Variants in RBM39 observed in about 807,000 individuals in gnomAD.
RBM39 encodes RNA-binding protein 39.
RBM39 carries 12 observed loss-of-function variants against 79.6 expected under a neutral mutation model. The observed-to-expected ratio is 0.15, with a 90% confidence interval of 0.10 to 0.24. The LOEUF (loss-of-function observed/expected upper bound fraction) is 0.24. Among genes scored for constraint, RBM39 ranks in the 10% least tolerant of loss-of-function variants. RBM39 has a pLI of 1.00. For missense variants in RBM39, 243 were observed against 653.4 expected, an observed-to-expected ratio of 0.37 and a Z score of 6.85; for synonymous variants, 185 against 208.4, an observed-to-expected ratio of 0.89 and a Z score of 0.97.
intron 12 of RBM39, among the ~76,000 whole-genome samples, chr20:35,712,809 G>A (rs1229566574): frequency 1.3e-5 from 2 of 152,118 alleles, no homozygotes; most frequent in Non-Finnish European, 2.9e-5. Flanking sequence ...AAACTGGGGT[G>A]CAGGGTTTAA....
At chr20:35,741,030 C>CTTTTTCTTTTTT (rs1217050292) in intron 1 of RBM39, 143 bp from the exon 2 acceptor site, 3 of 127,302 alleles carry the variant, frequency 2.4e-5, no homozygotes, top group African/African-American at 1.0e-4. Context: ...AAACATTTTT[C>CTTTTTCTTTTTT]TTTTTTTTTT....
rs1410284076 is a variant in RBM39 at position 35,705,321 on chromosome 20, T to A, written c.1317A>T (p.Glu439Asp). ...CCTTAATCTCGGTATCCCATCCAAC[T>A]TCTTCTTCTCTGTAAGAAAGTATTA... is the stretch of plus-strand genomic sequence containing the variant. ...SNMFNPQTEE[E>D]VGWDTEIKDD... is the part of the protein sequence containing the mutation. The change falls in exon 15 of 17, where the codon GAA becomes GAT. Residue 439 changes from glutamate to aspartate, a missense_variant. This residue lies in a region of RBM39 where 48 missense variants were observed against 130.2 expected (regional missense o/e 0.37). Transcript: ENST00000253363. The A allele has an allele frequency of 1.3e-6, 2 of 1,578,170 alleles. No individual in the cohort carries two copies. Among genetic ancestry groups the A allele is most frequent in the Non-Finnish European group, 1.7e-6 (2 of 1,160,560 alleles).
At chr20:35,729,162 G>T in intron 6 of RBM39, 150 bp downstream of exon 6, 1 of 495,084 alleles carries the variant, frequency 2.0e-6, no homozygotes, top group Non-Finnish European at 3.4e-6. Context: ...AAACTCAGTA[G>T]AAATTCACTT....
Position 35,742,041 on chromosome 20 carries a change from A to T in RBM39, c.-114T>A, listed in dbSNP as rs942801579. 5 of 232,996 alleles carry T rather than the reference A, an allele frequency of 2.1e-5. No homozygotes were observed. Among genetic ancestry groups the T allele is most frequent in the South Asian group, 9.1e-5 (2 of 22,042 alleles). 14.4% of individuals were successfully genotyped at this position (232,996 alleles called of 1,614,324 possible). ...GCCGCCGCTTCTGTTGCTACTGTTA[A>T]GCCCCTAGGCCCAGGCCGCGGAACC... On this transcript the variant is annotated 5_prime_UTR_variant, in exon 1 of 17. Coordinates refer to ENST00000253363, the MANE Select transcript of RBM39 (RefSeq NM_184234.3).
In RBM39 at chr20:35,725,047, T is replaced by C. The variant is rs1298074129; in HGVS notation, c.525A>G (p.Thr175=). The change falls in exon 7 of 17, where the codon ACA becomes ACG. Residue 175 remains threonine, a synonymous_variant. Coordinates refer to ENST00000253363, the MANE Select transcript of RBM39 (RefSeq NM_184234.3). ...RPRDLEEFFS[T]VGKVRDVRMI... is the part of the protein sequence containing the mutation. Reference sequence around the variant, plus strand: ...AACAGGTTAAGATTACCTTTCCTACTGTAGAGAAAAACTCTTCCAAATCCC... The same window carrying C: ...AACAGGTTAAGATTACCTTTCCTACCGTAGAGAAAAACTCTTCCAAATCCC... 6 of 1,608,808 alleles carry C rather than the reference T, an allele frequency of 3.7e-6. No homozygotes were observed. Among genetic ancestry groups the C allele is most frequent in the East Asian group, 4.5e-5 (2 of 44,812 alleles).
chr20:35,714,769 G>T (rs1023601639), intron 10 of RBM39, among the ~76,000 whole-genome samples: 1 of 152,082 alleles, frequency 6.6e-6, no homozygotes, highest in Non-Finnish European at 1.5e-5. Flanking sequence ...ACAAAAATGT[G>T]CCCAGGGACA....
chr20:35,741,030 CTTTTTTTTTTTTT>C, intron 1 of RBM39, 143 bp from the exon 2 acceptor site: 1 of 123,790 alleles, frequency 8.1e-6, no homozygotes, highest in South Asian at 6.6e-5. Flanking sequence ...AAACATTTTT[CTTTTTTTTTTTTT>C]TTTTTTTTGA....
chr20:35,706,838 A>G (rs944189167), intron 14 of RBM39, among the ~76,000 whole-genome samples: 3 of 151,562 alleles, frequency 2.0e-5, no homozygotes, highest in African/African-American at 7.3e-5. Flanking sequence ...GACCAGCCTG[A>G]CCAACATGGT....
At chr20:35,729,184 A>T in intron 6 of RBM39, 128 bp downstream of exon 6, 1 of 679,096 alleles carries the variant, frequency 1.5e-6, no homozygotes, top group Non-Finnish European at 2.3e-6. Flanking sequence ...ACCTTAAAGT[A>T]CTGGAAGTGC....
intron 6 of RBM39, among the ~76,000 whole-genome samples, chr20:35,728,307 G>A (rs566444986): frequency 1.6e-4 from 25 of 152,064 alleles, no homozygotes; most frequent in Non-Finnish European, 3.5e-4. Context: ...TAACTGCTAC[G>A]TTGCCAACAC....
chr20:35,714,041 A>G (rs2036805538), intron 11 of RBM39, 144 bp downstream of exon 11: 9 of 730,532 alleles, frequency 1.2e-5, no homozygotes, highest in Non-Finnish European at 2.0e-5. Flanking sequence ...CACATCATCT[A>G]TAAAATAATA....
chr20:35,721,985 T>A, intron 8 of RBM39, 108 bp from the exon 9 acceptor site: 2 of 1,279,412 alleles, frequency 1.6e-6, no homozygotes, highest in Non-Finnish European at 2.2e-6. Context: ...ATAAAAATAC[T>A]ACCCTACGTA....
chr20:35,741,644 A>G (rs955865340), intron 1 of RBM39: 1 of 152,054 alleles, frequency 6.6e-6, no homozygotes, highest in Non-Finnish European at 1.5e-5. Context: ...CTCCATTGGG[A>G]GGGGTTATGA....
chr20:35,706,414 A>C (rs1165921392), intron 14 of RBM39, among the ~76,000 whole-genome samples: 1 of 152,216 alleles, frequency 6.6e-6, no homozygotes, highest in Admixed American at 6.5e-5. Context: ...GATAAAACTA[A>C]AGTAAATTTG....
In RBM39 at chr20:35,735,434, T is replaced by A. The variant is rs557471747; in HGVS notation, c.102-3299A>T. 3.2e-4 allele frequency among the ~76,000 whole-genome samples: 48 copies of A among 152,336 alleles called. No individual in the cohort carries two copies. In the South Asian group the frequency reaches 9.9e-3, roughly 32 times the overall value. On this transcript the variant is annotated intron_variant, in intron 3 of 16. Coordinates refer to ENST00000253363, the MANE Select transcript of RBM39 (RefSeq NM_184234.3). ...TGAAGTGTATGTTAAGAATCAGAAT[T>A]ATACAATTAAAAAAATTTATACTCA...
chr20:35,704,433 T>TTC lies in RBM39; in HGVS notation c.*46_*47dup. 1 of 1,309,398 alleles carries TTC rather than the reference T, an allele frequency of 7.6e-7. No individual in the cohort carries two copies. The highest frequency in any genetic ancestry group is 1.1e-6 in the Non-Finnish European group (1 of 933,248). The allele number at this position is 1,309,398 out of a possible 1,614,324, so 81.1% of individuals were successfully genotyped here. ...TAAATAAAAGATAACTCAAGATGAATTCTCAAGAAAGAAAAAAAGCTATAT... is the reference window on the plus strand; with the variant it reads ...TAAATAAAAGATAACTCAAGATGAATTCTCTCAAGAAAGAAAAAAAGCTATAT... On this transcript the variant is annotated 3_prime_UTR_variant, in exon 17 of 17. Transcript: ENST00000253363.
chr20:35,708,966 C>CAA (rs1419539952), intron 13 of RBM39: 2 of 352,842 alleles, frequency 5.7e-6, no homozygotes, highest in Non-Finnish European at 1.0e-5. Flanking sequence ...AGGCATAAAA[C>CAA]AAAAACAAGG....
At chr20:35,716,618 G>A (rs1600453049) in intron 10 of RBM39, 122 bp downstream of exon 10, 1 of 697,628 alleles carries the variant, frequency 1.4e-6, no homozygotes, top group Non-Finnish European at 2.5e-6. Context: ...AATCCCAGCA[G>A]TTTGGAAGGC....
chr20:35,740,495 C>T, intron 2 of RBM39: 1 of 1,250,008 alleles, frequency 8.0e-7, no homozygotes, highest in Non-Finnish European at 1.1e-6. Flanking sequence ...TAGGGGACCA[C>T]GGTACAGCGA....
Sources: allele counts gnomAD v4.1 joint callset (sites outside exome capture counted in the v4.1 genomes callset), GRCh38; gene constraint gnomAD v4.1.1; regional missense constraint gnomAD v4.1.1; transcripts MANE v1.5; gene names NCBI Gene and HGNC (gene_info 2026-07-23, HGNC 2026-07-21).